Variants in HPSE2 observed in about 807,000 individuals in gnomAD.
The protein encoded by HPSE2 is heparanase 2 (inactive).
Under a neutral mutation model 60.5 loss-of-function variants are expected in HPSE2, and 38 were observed. That is an observed-to-expected ratio of 0.63 (90% CI 0.48 to 0.82). The LOEUF (loss-of-function observed/expected upper bound fraction) is 0.82, where lower values mean the gene tolerates loss of function less well. Among genes scored for constraint, HPSE2 ranks in the 40% least tolerant of loss-of-function variants. HPSE2 has a pLI of 0.00. For missense variants in HPSE2, 713 were observed against 740.4 expected (o/e 0.96, Z 0.43); for synonymous variants, 295 against 293.2 (o/e 1.01, Z -0.06).
intron 3 of HPSE2, among the ~76,000 whole-genome samples, chr10:99,130,117 T>C (rs1287626333): frequency 6.6e-6 from 1 of 151,604 alleles, no homozygotes; most frequent in Non-Finnish European, 1.5e-5. Flanking sequence ...TAACAAGTAG[T>C]GAGATTGAAA....
chr10:98,715,200 T>C (rs758553866), intron 5 of HPSE2, among the ~76,000 whole-genome samples: 7 of 151,994 alleles, frequency 4.6e-5, no homozygotes, highest in Non-Finnish European at 8.8e-5. Flanking sequence ...TAAAGTCCAA[T>C]TTATCATTGA....
rs1214266757 is a variant in HPSE2 at position 98,636,247 on chromosome 10, GT to G, written c.1098+5599del. 3.8e-3 allele frequency among the ~76,000 whole-genome samples: 507 copies of G among 131,732 alleles called. 3 individuals carry two copies. Among genetic ancestry groups the G allele is most frequent in the Non-Finnish European group, 7.1e-3 (426 of 60,368 alleles). 86.4% of individuals were successfully genotyped at this position (131,732 alleles called of 152,430 possible). On this transcript the variant is annotated intron_variant, in intron 7 of 11. Transcript: ENST00000370552. ...TGTGAATTATCCTGTTTTTTTTTTTGTTTTTTTTTTGAAACAGAGTCTCGCT... is the reference window on the plus strand; with the variant it reads ...TGTGAATTATCCTGTTTTTTTTTTTGTTTTTTTTTGAAACAGAGTCTCGCT...
intron 3 of HPSE2, among the ~76,000 whole-genome samples, chr10:99,069,728 A>G (rs1842726836): frequency 6.6e-6 from 1 of 151,796 alleles, no homozygotes; most frequent in Admixed American, 6.6e-5. Flanking sequence ...TCTAGTATTT[A>G]CTTAGTACTC....
At chr10:99,306,835 C>T in the HPSE2 span, among the ~76,000 whole-genome samples, 1 of 152,104 alleles carries the variant, frequency 6.6e-6, no homozygotes, top group Non-Finnish European at 1.5e-5. Context: ...TCAGCCTTCC[C>T]GAGTAGCTGG....
At chr10:98,522,409 T>C (rs186058976) in intron 9 of HPSE2, among the ~76,000 whole-genome samples, 4 of 152,238 alleles carry the variant, frequency 2.6e-5, no homozygotes, top group African/African-American at 9.6e-5. Context: ...TGTGAGGCAG[T>C]TCCCGGGGGG....
intron 3 of HPSE2, among the ~76,000 whole-genome samples, chr10:99,016,774 T>G (rs1045239395): frequency 8.6e-5 from 13 of 151,168 alleles, no homozygotes; most frequent in African/African-American, 2.9e-4. Context: ...CTTAGGTATT[T>G]TGTGTGTGTG....
intron 3 of HPSE2, among the ~76,000 whole-genome samples, chr10:98,994,651 A>C (rs988532896): frequency 6.6e-6 from 1 of 152,194 alleles, no homozygotes; most frequent in African/African-American, 2.4e-5. Flanking sequence ...AACTCAGACC[A>C]AGAGTGAGGC....
intron 3 of HPSE2, among the ~76,000 whole-genome samples, chr10:98,851,174 T>C (rs1322422244): frequency 1.3e-5 from 2 of 152,198 alleles, no homozygotes; most frequent in African/African-American, 2.4e-5. Flanking sequence ...TCAGGAGAGA[T>C]AGCCATGTGT....
chr10:98,649,859 G>C (rs1319833817), intron 6 of HPSE2, among the ~76,000 whole-genome samples: 2 of 152,198 alleles, frequency 1.3e-5, no homozygotes, highest in South Asian at 2.1e-4. Context: ...GAACTGAACA[G>C]CAACCAATTC....
At chr10:99,119,231 T>C (rs2135706255) in intron 3 of HPSE2, among the ~76,000 whole-genome samples, 1 of 152,098 alleles carries the variant, frequency 6.6e-6, no homozygotes, top group South Asian at 2.1e-4. Context: ...CTTAAACTGA[T>C]AAATAACTTC....
intron 2 of HPSE2, among the ~76,000 whole-genome samples, chr10:99,229,192 A>C (rs1849570936): frequency 6.6e-6 from 1 of 151,790 alleles, no homozygotes; most frequent in African/African-American, 2.4e-5. Flanking sequence ...AAAAAAACTT[A>C]TCAGGGTAGC....
intron 3 of HPSE2, among the ~76,000 whole-genome samples, chr10:98,819,611 T>C (rs1003020846): frequency 2.6e-5 from 4 of 152,254 alleles, no homozygotes; most frequent in South Asian, 2.1e-4. Flanking sequence ...TACTTTTGTC[T>C]TTAACCTAAA....
At chr10:98,474,349 G>A (rs1940909761) in intron 11 of HPSE2, among the ~76,000 whole-genome samples, 1 of 152,150 alleles carries the variant, frequency 6.6e-6, no homozygotes, top group African/African-American at 2.4e-5. Context: ...CAGGTGGGTG[G>A]CCAGTTCACC....
rs1355514939 is a variant in HPSE2 at position 99,221,461 on chromosome 10, C to CA, written c.448+10886dup. On this transcript the variant is annotated intron_variant, in intron 2 of 11. Coordinates refer to ENST00000370552, the MANE Select transcript of HPSE2 (RefSeq NM_021828.5). ...AGAGCCAAGTTTACATGAACATTCA[C>CA]AAAAAAATACCTGAGAACATAAAGC... is the stretch of plus-strand genomic sequence containing the variant. Among the ~76,000 whole-genome samples, 16 of 151,932 alleles carry CA rather than the reference C, an allele frequency of 1.1e-4. 1 individual carries two copies. Among genetic ancestry groups the CA allele is most frequent in the Non-Finnish European group, 1.5e-4 (10 of 67,964 alleles).
intron 3 of HPSE2, among the ~76,000 whole-genome samples, chr10:98,817,410 G>T (rs909702438): frequency 3.3e-5 from 5 of 151,902 alleles, no homozygotes; most frequent in African/African-American, 1.2e-4. Flanking sequence ...CCAAAACTAG[G>T]CTTCTCCAAA....
At chr10:98,514,710 T>C (rs561579381) in intron 9 of HPSE2, among the ~76,000 whole-genome samples, 3 of 110,400 alleles carry the variant, frequency 2.7e-5, no homozygotes, top group African/African-American at 5.8e-5. Context: ...TTATATACTT[T>C]GTTTTTTTTT....
intron 3 of HPSE2, among the ~76,000 whole-genome samples, chr10:98,973,816 T>G (rs867160839): frequency 6.6e-6 from 1 of 152,052 alleles, no homozygotes; most frequent in Non-Finnish European, 1.5e-5. Context: ...TTCTACTAAT[T>G]TGTATTTTCC....
At chr10:98,604,730 A>G (rs905712589) in intron 9 of HPSE2, among the ~76,000 whole-genome samples, 1 of 152,216 alleles carries the variant, frequency 6.6e-6, no homozygotes, top group African/African-American at 2.4e-5. Flanking sequence ...AAAAGATTTT[A>G]TTAATTTAGG....
intron 2 of HPSE2, among the ~76,000 whole-genome samples, chr10:99,193,060 C>T (rs1215734005): frequency 6.6e-6 from 1 of 151,894 alleles, no homozygotes; most frequent in Non-Finnish European, 1.5e-5. Context: ...AAAGATGAAC[C>T]TATCAAAAAT....
Sources: gnomAD v4.1 joint callset for allele counts (sites outside exome capture counted in the v4.1 genomes callset) on GRCh38, gnomAD v4.1.1 for gene constraint, MANE v1.5 for transcripts, NCBI Gene and HGNC (gene_info 2026-07-23, HGNC 2026-07-21) for gene names.